Variants in PHF24 observed in about 807,000 individuals in gnomAD.
PHF24 encodes PHD finger protein 24, also known as Galpha inhibitory interacting protein.
Under a neutral mutation model 42.6 loss-of-function variants are expected in PHF24, and 25 were observed. The observed-to-expected ratio is 0.59, with a 90% CI of 0.43 to 0.82. PHF24 has a LOEUF of 0.82. Ranked by LOEUF, PHF24 falls within the 40% of genes least tolerant of loss-of-function variation. The pLI is 0.00. For missense variants in PHF24, 470 were observed against 538.1 expected (o/e 0.87, Z 1.25); for synonymous variants, 185 against 204.8 (o/e 0.90, Z 0.83).
chr9:34,806,369 T>C, the PHF24 span, among the ~76,000 whole-genome samples: 1 of 152,252 alleles, frequency 6.6e-6, no homozygotes, highest in Non-Finnish European at 1.5e-5. Context: ...AATCTTTACT[T>C]AGCTTTTCTT....
chr9:34,958,954 G>C lies in PHF24; in HGVS notation c.-5+553G>C, dbSNP rs1306048892. Among the ~76,000 whole-genome samples the C allele has an allele frequency of 1.3e-5, 2 of 152,196 alleles. No homozygotes were observed. The highest frequency in any genetic ancestry group is 4.8e-5 in the African/African-American group (2 of 41,458). On this transcript the variant is annotated intron_variant, in intron 1 of 7. Transcript: ENST00000242315. The surrounding 1 kb of genome is among the most constrained non-coding windows in gnomAD (Gnocchi z 4.5). The stretch of plus-strand genomic sequence containing the variant: ...TTGGCCTCCACCGGGATCCCTGTAG[G>C]GTTCCATGTGCCCTTACTTGTATCC...
the PHF24 span, chr9:34,681,185 G>T: frequency 6.6e-6 from 1 of 152,232 alleles, no homozygotes; most frequent in Admixed American, 6.5e-5. Context: ...CTACAACTGT[G>T]CTGGAGACTT....
the PHF24 span, among the ~76,000 whole-genome samples, chr9:34,941,327 A>G: frequency 6.6e-6 from 1 of 152,174 alleles, no homozygotes; most frequent in Admixed American, 6.5e-5. Flanking sequence ...TGATGTGGCC[A>G]GTAGACAATA....
chr9:34,926,722 A>G, the PHF24 span, among the ~76,000 whole-genome samples: 1 of 152,000 alleles, frequency 6.6e-6, no homozygotes, highest in Non-Finnish European at 1.5e-5. This position sits in a 1 kb window ranked among gnomAD's most constrained non-coding sequence, Gnocchi z 4.3. Context: ...CTCATGACAC[A>G]GCTTCGTGGC....
chr9:34,689,912 A>T, the PHF24 span: 1 of 1,613,916 alleles, frequency 6.2e-7, no homozygotes, highest in Admixed American at 1.7e-5. The surrounding 1 kb of genome is among the most constrained non-coding windows in gnomAD (Gnocchi z 4.1). Context: ...AGACAGGGCC[A>T]GGGAGGGCCA....
chr9:34,822,590 T>G, the PHF24 span, among the ~76,000 whole-genome samples: 1 of 152,194 alleles, frequency 6.6e-6, no homozygotes, highest in Admixed American at 6.5e-5. Context: ...GCTTAGTGTG[T>G]ATATGTGGTA....
chr9:34,961,299 C>T (rs1826581031), intron 1 of PHF24, among the ~76,000 whole-genome samples: 1 of 152,232 alleles, frequency 6.6e-6, no homozygotes. Context: ...CACTCCACCC[C>T]TCAATCTTAA....
At chr9:34,675,130 G>A in the PHF24 span, among the ~76,000 whole-genome samples, 3 of 152,188 alleles carry the variant, frequency 2.0e-5, no homozygotes, top group African/African-American at 2.4e-5. Flanking sequence ...AGTGCTAGGA[G>A]TATAGGTGTG....
chr9:34,969,157 A>G (rs1011744496), intron 1 of PHF24, among the ~76,000 whole-genome samples: 2 of 152,248 alleles, frequency 1.3e-5, no homozygotes, highest in Non-Finnish European at 2.9e-5. Flanking sequence ...GGCCACAGTA[A>G]AGAGACTGAT....
the PHF24 span, among the ~76,000 whole-genome samples, chr9:34,884,690 G>A: frequency 6.6e-6 from 1 of 152,198 alleles, no homozygotes; most frequent in Non-Finnish European, 1.5e-5. Context: ...TGTGTCTGAG[G>A]ATCTCCAACA....
the PHF24 span, among the ~76,000 whole-genome samples, chr9:34,781,213 T>C: frequency 1.3e-5 from 2 of 152,148 alleles, no homozygotes; most frequent in Non-Finnish European, 2.9e-5. Context: ...AACCAGAAGA[T>C]AGAAACACCC....
chr9:34,895,156 CAT>C, the PHF24 span: 1 of 398,402 alleles, frequency 2.5e-6, no homozygotes. Flanking sequence ...AAACAAAACT[CAT>C]AAACATTTCC....
the PHF24 span, among the ~76,000 whole-genome samples, chr9:34,829,796 T>A: frequency 1.3e-5 from 2 of 152,204 alleles, no homozygotes; most frequent in Non-Finnish European, 2.9e-5. Context: ...GAAAGGGGGC[T>A]AACTTGAGAG....
chr9:34,762,229 G>C, the PHF24 span, among the ~76,000 whole-genome samples: 4 of 151,450 alleles, frequency 2.6e-5, no homozygotes, highest in East Asian at 3.9e-4. Context: ...GGATGGCTGG[G>C]TCAAATGGTA....
chr9:34,709,551 C>A, the PHF24 span: 1 of 1,614,192 alleles, frequency 6.2e-7, no homozygotes, highest in Non-Finnish European at 8.5e-7. Flanking sequence ...GGAGGCCCCC[C>A]TGTCCTTCCT....
At chr9:34,806,601 G>A in the PHF24 span, among the ~76,000 whole-genome samples, 1 of 152,104 alleles carries the variant, frequency 6.6e-6, no homozygotes, top group East Asian at 1.9e-4. Context: ...CAGGATTACA[G>A]GTGCCTGCCA....
the PHF24 span, among the ~76,000 whole-genome samples, chr9:34,797,547 C>T: frequency 1.7e-3 from 265 of 152,284 alleles, 8 homozygotes; most frequent in East Asian, 0.046. Flanking sequence ...ACTGCCCAGG[C>T]CAAACTCTGC....
At chr9:34,889,795 A>T in the PHF24 span, among the ~76,000 whole-genome samples, 1 of 152,252 alleles carries the variant, frequency 6.6e-6, no homozygotes, top group Admixed American at 6.5e-5. Flanking sequence ...TCTGAAAAAA[A>T]TTTACCCCTT....
chr9:34,743,686 G>A, the PHF24 span, among the ~76,000 whole-genome samples: 3 of 152,140 alleles, frequency 2.0e-5, no homozygotes, highest in Non-Finnish European at 2.9e-5. Context: ...ACATTCCCGT[G>A]TGGGTCCTAT....
Sources: allele counts gnomAD v4.1 joint callset (sites outside exome capture counted in the v4.1 genomes callset), GRCh38; gene constraint gnomAD v4.1.1; non-coding constraint Gnocchi (gnomAD v3.1); transcripts MANE v1.5; gene names NCBI Gene and HGNC (gene_info 2026-07-23, HGNC 2026-07-21).